The following UTRN variants were observed in gnomAD, a reference collection of about 807,000 sequenced individuals.
UTRN encodes the protein dystrophin-related protein 1.
Under a neutral mutation model 463.9 loss-of-function variants are expected in UTRN, and 283 were observed. That is an observed-to-expected ratio of 0.61 (90% CI 0.55 to 0.67). UTRN has a LOEUF of 0.67. UTRN is among the 30% of genes least tolerant of loss of function. The pLI is 0.00. For missense variants in UTRN, 3,922 were observed against 4,084.3 expected (o/e 0.96, Z 1.08); for synonymous variants, 1,442 against 1,431.5 (o/e 1.01, Z -0.17).
chr6:144,720,973 G>A (rs982659368), intron 53 of UTRN, among the ~76,000 whole-genome samples: 1 of 151,900 alleles, frequency 6.6e-6, no homozygotes, highest in African/African-American at 2.4e-5. Flanking sequence ...TTTATATATT[G>A]TATATATTTG....
chr6:144,656,065 G>A (rs1380160333), intron 51 of UTRN, among the ~76,000 whole-genome samples: 1 of 152,086 alleles, frequency 6.6e-6, no homozygotes, highest in South Asian at 2.1e-4. Flanking sequence ...GAAACTCTAT[G>A]TCTATGTTTG....
chr6:144,525,641 AT>A (rs111849426), intron 41 of UTRN, among the ~76,000 whole-genome samples: 9 of 145,476 alleles, frequency 6.2e-5, no homozygotes, highest in East Asian at 4.1e-4. Flanking sequence ...TTTTTGTTTC[AT>A]TTTTTTTTGT....
intron 2 of UTRN, among the ~76,000 whole-genome samples, chr6:144,370,798 T>C (rs769767517): frequency 1.1e-4 from 17 of 152,218 alleles, no homozygotes; most frequent in Non-Finnish European, 2.4e-4. Flanking sequence ...TGCATCAGCA[T>C]TACCTGGATT....
intron 2 of UTRN, among the ~76,000 whole-genome samples, chr6:144,355,144 G>A (rs1023639698): frequency 3.9e-5 from 6 of 152,140 alleles, no homozygotes; most frequent in Non-Finnish European, 7.4e-5. Flanking sequence ...GTGGAAAGCA[G>A]GTATGCCTAT....
chr6:144,427,392 G>A (rs892776193), intron 7 of UTRN, among the ~76,000 whole-genome samples: 7 of 151,970 alleles, frequency 4.6e-5, no homozygotes, highest in Non-Finnish European at 5.9e-5. Context: ...ACTTTTCTAC[G>A]TCTTATATCT....
intron 37 of UTRN, among the ~76,000 whole-genome samples, chr6:144,515,936 C>G (rs941076553): frequency 6.6e-6 from 1 of 152,176 alleles, no homozygotes; most frequent in Non-Finnish European, 1.5e-5. Flanking sequence ...GCCATAGTTT[C>G]CTGCTATGCT....
intron 58 of UTRN, among the ~76,000 whole-genome samples, chr6:144,758,679 T>C (rs757474802): frequency 1.4e-4 from 21 of 152,168 alleles, no homozygotes; most frequent in Non-Finnish European, 2.4e-4. Flanking sequence ...GGCTTAGGGC[T>C]ATATATTGTC....
At chr6:144,427,981 G>C (rs185807626) in intron 7 of UTRN, among the ~76,000 whole-genome samples, 80 of 152,294 alleles carry the variant, frequency 5.3e-4, no homozygotes, top group African/African-American at 1.9e-3. Flanking sequence ...TGGCATCGGA[G>C]AGGGCAGTGG....
intron 70 of UTRN, 111 bp from the exon 71 acceptor site, chr6:144,836,190 C>T: frequency 1.3e-6 from 2 of 1,526,954 alleles, no homozygotes; most frequent in Non-Finnish European, 8.8e-7. Flanking sequence ...TATTAATACA[C>T]ATTTTTATAT....
At chr6:144,724,026 A>AAAAG (rs1787536181) in intron 53 of UTRN, among the ~76,000 whole-genome samples, 3 of 150,034 alleles carry the variant, frequency 2.0e-5, no homozygotes, top group Non-Finnish European at 3.0e-5. Flanking sequence ...AAAAAAAAAA[A>AAAAG]AAAGAAAGAA....
chr6:144,732,807 G>A (rs1186234508), intron 54 of UTRN, among the ~76,000 whole-genome samples: 2 of 151,998 alleles, frequency 1.3e-5, no homozygotes, highest in Non-Finnish European at 2.9e-5. Flanking sequence ...AACGTCCCAG[G>A]ATCAAGTGAT....
chr6:144,679,677 AT>A (rs1318131297), intron 52 of UTRN, among the ~76,000 whole-genome samples: 4 of 152,278 alleles, frequency 2.6e-5, no homozygotes, highest in Admixed American at 2.6e-4. Flanking sequence ...CTAGTTAAGT[AT>A]TTTTATACAT....
intron 52 of UTRN, among the ~76,000 whole-genome samples, chr6:144,694,519 T>A (rs1377097824): frequency 6.6e-6 from 1 of 152,170 alleles, no homozygotes; most frequent in Non-Finnish European, 1.5e-5. Context: ...CATCTGGTCC[T>A]GGGCTTTTTT....
At chr6:144,451,602 T>C (rs1230462343) in intron 18 of UTRN, 109 bp downstream of exon 18, 2 of 1,326,396 alleles carry the variant, frequency 1.5e-6, no homozygotes, top group Non-Finnish European at 2.0e-6. Flanking sequence ...GTAAAATAAA[T>C]GTAGGCAGAA....
Position 144,420,847 on chromosome 6 carries a change from C to T in UTRN, c.142-1031C>T, listed in dbSNP as rs139526012. Among the ~76,000 whole-genome samples the T allele has an allele frequency of 2.4e-3, 361 of 152,262 alleles. 1 individual carries two copies. The highest frequency in any genetic ancestry group is 8.1e-3 in the African/African-American group (336 of 41,562). On this transcript the variant is annotated intron_variant, in intron 3 of 74. Coordinates refer to ENST00000367545, the MANE Select transcript of UTRN (RefSeq NM_007124.3). ...TGACAGTCCTTATACTTTTAGTTGG[C>T]CTCTGCACCCGGATGTTGTAGGCTC...
chr6:144,640,107 A>G (rs938094632), intron 51 of UTRN, among the ~76,000 whole-genome samples: 6 of 152,196 alleles, frequency 3.9e-5, no homozygotes, highest in Non-Finnish European at 7.3e-5. Context: ...CATGATAGTT[A>G]TAGTCAAATA....
At chr6:144,493,492 TC>T in intron 33 of UTRN, 36 bp downstream of exon 33, 3 of 1,500,802 alleles carry the variant, frequency 2.0e-6, no homozygotes, top group Non-Finnish European at 9.0e-7. Context: ...TCTCTCTGTC[TC>T]TCTCTCTCTC....
At chr6:144,569,061 G>T (rs1264753745) in intron 50 of UTRN, among the ~76,000 whole-genome samples, 2 of 151,954 alleles carry the variant, frequency 1.3e-5, no homozygotes, top group African/African-American at 4.8e-5. Flanking sequence ...AGTTCCTTGA[G>T]AATGGATAAA....
At chr6:144,442,666 G>A (rs1047860471) in intron 13 of UTRN, among the ~76,000 whole-genome samples, 67 of 152,240 alleles carry the variant, frequency 4.4e-4, no homozygotes, top group African/African-American at 1.4e-3. Context: ...ATCAGATCTC[G>A]TGAGACTTAT....
Sources: allele counts gnomAD v4.1 joint callset (sites outside exome capture counted in the v4.1 genomes callset), GRCh38; gene constraint gnomAD v4.1.1; transcripts MANE v1.5; gene names NCBI Gene and HGNC (gene_info 2026-07-23, HGNC 2026-07-21).